PCDHA9: variants seen among roughly 807,000 people sequenced by gnomAD.
The protein encoded by PCDHA9 is protocadherin alpha 9.
A neutral mutation model predicts 62.0 loss-of-function variants in PCDHA9; 62 were observed. That is an observed-to-expected ratio of 1.00 (90% confidence interval 0.81 to 1.23). PCDHA9 has a LOEUF of 1.23. Ranked by LOEUF, PCDHA9 falls within the 50% of genes most tolerant of loss-of-function variation. The probability of loss-of-function intolerance (pLI) is 0.00; values close to 1 mark genes in which losing one functional copy is unlikely to be tolerated. For missense variants in PCDHA9, 1,205 were observed against 1,249.8 expected (o/e 0.96, Z 0.54); for synonymous variants, 557 against 567.6 (o/e 0.98, Z 0.27).
At chr5:140,876,798 CG>C (rs1562719394) in intron 1 of PCDHA9, 1 of 1,614,180 alleles carries the variant, frequency 6.2e-7, no homozygotes, top group East Asian at 2.2e-5. Flanking sequence ...CTAGAGTGTC[CG>C]TGGAGGTGGC....
At position 140,928,478 on chromosome 5, in the gene PCDHA9, A is replaced by T. The variant is rs1554205922; in HGVS notation, c.2395-50471A>T. Reference sequence around the variant, plus strand: ...TTTCATTTCCAAGTAGAAGGCCGGGATGGTGGCATTCCTCCCAGAAGTGCA... The same window carrying T: ...TTTCATTTCCAAGTAGAAGGCCGGGTTGGTGGCATTCCTCCCAGAAGTGCA... On this transcript the variant is annotated intron_variant, in intron 1 of 3. Coordinates refer to ENST00000532602, the MANE Select transcript of PCDHA9 (RefSeq NM_031857.2). 2.5e-5 allele frequency: 40 copies of T among 1,614,132 alleles called. No individual in the cohort carries two copies. The highest frequency in any genetic ancestry group is 3.3e-5 in the Non-Finnish European group (39 of 1,180,008).
At chr5:140,871,549 T>C (rs1554165727) in intron 1 of PCDHA9, 6 of 1,496,034 alleles carry the variant, frequency 4.0e-6, no homozygotes, top group Non-Finnish European at 5.4e-6. Flanking sequence ...TTATTTAAAA[T>C]CCAGTTTTTT....
chr5:140,862,975 G>A (rs2047690621), intron 1 of PCDHA9: 2 of 544,994 alleles, frequency 3.7e-6, no homozygotes, highest in Middle Eastern at 3.0e-4. Context: ...CAGGCCACTT[G>A]GTGGCGAAGG....
At chr5:140,924,484 A>G (rs1198741385) in intron 1 of PCDHA9, among the ~76,000 whole-genome samples, 1 of 152,184 alleles carries the variant, frequency 6.6e-6, no homozygotes, top group Non-Finnish European at 1.5e-5. Flanking sequence ...TTTTAGTGGA[A>G]CACTGGCATT....
intron 1 of PCDHA9, among the ~76,000 whole-genome samples, chr5:140,889,342 A>G (rs1418641372): frequency 6.6e-6 from 1 of 152,018 alleles, no homozygotes; most frequent in East Asian, 1.9e-4. Context: ...GATTGGTGGG[A>G]ATATTTCTGA....
intron 1 of PCDHA9, chr5:140,875,720 T>C (rs1554167893): frequency 1.9e-6 from 3 of 1,614,092 alleles, no homozygotes; most frequent in Non-Finnish European, 1.7e-6. Context: ...CAGAATGGCA[T>C]TTTGTTTGTG....
Position 140,876,213 on chromosome 5 carries a change from T to G in PCDHA9, c.2394+25324T>G, listed in dbSNP as rs782372222. On this transcript the variant is annotated intron_variant, in intron 1 of 3. Transcript: ENST00000532602. ...GTCCGGCGTTTGATAAGCCCAGCTA[T>G]AAAGTAGTGTTGTCTGAAAATGTCC... The G allele has an allele frequency of 3.1e-6, 5 of 1,613,846 alleles. No individual in the cohort carries two copies. The East Asian group carries it at 1.1e-4, about 36-fold the overall frequency.
intron 1 of PCDHA9, among the ~76,000 whole-genome samples, chr5:140,946,679 C>T (rs556487333): frequency 4.1e-5 from 6 of 144,812 alleles, no homozygotes; most frequent in East Asian, 4.0e-4. Flanking sequence ...TCCTGTCATT[C>T]GTGACAATAT....
chr5:140,882,485 G>C, intron 1 of PCDHA9: 3 of 1,614,106 alleles, frequency 1.9e-6, no homozygotes, highest in Non-Finnish European at 2.5e-6. Flanking sequence ...AAGACACGGG[G>C]ACCTTCTGGA....
chr5:140,977,890 A>C (rs1554238866), intron 1 of PCDHA9, among the ~76,000 whole-genome samples: 3 of 152,234 alleles, frequency 2.0e-5, no homozygotes, highest in Non-Finnish European at 4.4e-5. Flanking sequence ...AGGAAAATAC[A>C]AAATACAACT....
At chr5:140,983,997 G>A (rs1191316440) in intron 3 of PCDHA9, among the ~76,000 whole-genome samples, 1 of 152,194 alleles carries the variant, frequency 6.6e-6, no homozygotes, top group Non-Finnish European at 1.5e-5. Context: ...CAATTCATTA[G>A]AGAGCTAATA....
intron 1 of PCDHA9, chr5:140,870,414 G>A (rs374225281): frequency 4.0e-5 from 64 of 1,614,112 alleles, no homozygotes; most frequent in Non-Finnish European, 5.0e-5. Context: ...TGTGGGCCAC[G>A]GCCAGGGTAT....
intron 1 of PCDHA9, chr5:140,877,206 C>G (rs782807049): frequency 6.2e-7 from 1 of 1,613,768 alleles, no homozygotes; most frequent in South Asian, 1.1e-5. Context: ...GCGCAGTTAG[C>G]GAGTTGGTAC....
At chr5:140,851,405 GAAAGAAA>G in intron 1 of PCDHA9, 2 of 966,032 alleles carry the variant, frequency 2.1e-6, no homozygotes, top group Non-Finnish European at 2.5e-6. Context: ...ATTTTAATAA[GAAAGAAA>G]CTTCCCCTAA....
intron 1 of PCDHA9, among the ~76,000 whole-genome samples, chr5:140,947,317 G>A (rs1456422381): frequency 2.0e-5 from 3 of 151,480 alleles, no homozygotes; most frequent in Non-Finnish European, 4.4e-5. Flanking sequence ...TAAAAAGTCG[G>A]TTGACCATAA....
At chr5:140,945,372 T>C (rs1554216918) in intron 1 of PCDHA9, among the ~76,000 whole-genome samples, 1 of 152,088 alleles carries the variant, frequency 6.6e-6, no homozygotes, top group Non-Finnish European at 1.5e-5. Flanking sequence ...AATGTCCATA[T>C]TACCCAAAGC....
At chr5:140,965,639 C>G (rs781995485) in intron 1 of PCDHA9, among the ~76,000 whole-genome samples, 1 of 152,000 alleles carries the variant, frequency 6.6e-6, no homozygotes, top group Non-Finnish European at 1.5e-5. Flanking sequence ...TTTTAAATTA[C>G]TCTTGAAAGA....
At chr5:140,852,732 A>G (rs2042454290) in intron 1 of PCDHA9, 4 of 983,854 alleles carry the variant, frequency 4.1e-6, no homozygotes, top group Non-Finnish European at 3.7e-6. Flanking sequence ...TTCAAGTTTC[A>G]TGTGCCATTT....
chr5:140,998,042 C>T (rs187874119), intron 3 of PCDHA9, among the ~76,000 whole-genome samples: 21 of 152,284 alleles, frequency 1.4e-4, no homozygotes, highest in Non-Finnish European at 2.2e-4. Flanking sequence ...TGTCACTTAA[C>T]TCAGTGACAT....
Sources: allele counts gnomAD v4.1 joint callset (sites outside exome capture counted in the v4.1 genomes callset), GRCh38; gene constraint gnomAD v4.1.1; transcripts MANE v1.5; gene names NCBI Gene and HGNC (gene_info 2026-07-23, HGNC 2026-07-21).